The following RIF1 variants were observed in gnomAD, a reference collection of about 807,000 sequenced individuals.
RIF1 encodes replication timing regulatory factor 1, also known as telomere-associated protein RIF1.
In RIF1, 45 loss-of-function variants were observed where a neutral mutation model predicts 247.1. The observed-to-expected ratio is 0.18, with a 90% confidence interval of 0.14 to 0.23. The LOEUF is 0.23. Ranked by LOEUF, RIF1 falls within the 10% of genes least tolerant of loss-of-function variation. The probability of loss-of-function intolerance (pLI) is 1.00; values close to 1 mark genes in which losing one functional copy is unlikely to be tolerated. For missense variants in RIF1, 2,967 were observed against 2,862.5 expected, an observed-to-expected ratio of 1.04 and a Z score of -0.83; for synonymous variants, 1,087 against 978.8, an observed-to-expected ratio of 1.11 and a Z score of -2.06.
At position 151,465,588 on chromosome 2, in the gene RIF1, A is replaced by G; in HGVS notation, c.6068A>G (p.Glu2023Gly). 6.2e-7 allele frequency: 1 copy of G among 1,613,984 alleles called. No homozygotes were observed. The change falls in exon 30 of 36, where the codon GAA becomes GGA. Residue 2023 changes from glutamate (E) to glycine (G), a missense_variant. Coordinates refer to ENST00000444746, the MANE Select transcript of RIF1 (RefSeq NM_018151.5). ...AATACCAAAATGAAAAATAATGAAG[A>G]AATGATGATCGGCGAGGCAATGGCT... ...ETNTKMKNNE[E>G]MMIGEAMAET...
At position 151,426,168 on chromosome 2, in the gene RIF1, A is replaced by ATTTTTTTTTTTTTTTTTTT. The variant is rs35001554; in HGVS notation, c.787-2610_787-2592dup. Among the ~76,000 whole-genome samples, 19 of 58,212 alleles carry ATTTTTTTTTTTTTTTTTTT rather than the reference A, an allele frequency of 3.3e-4. 3 individuals carry two copies. The highest frequency in any genetic ancestry group is 2.7e-3 in the East Asian group (4 of 1,470). The allele number at this position is 58,212 out of a possible 152,430, so 38.2% of individuals were successfully genotyped here. A position where few individuals can be genotyped will look rare whatever the true frequency, so the allele number is the denominator to read the frequency against. ...TTTTTCAGGATTGTTTTGGCTTTTA[A>ATTTTTTTTTTTTTTTTTTT]TTTTTTTTTTTTTTTTTTTTTTTTG... is the stretch of plus-strand genomic sequence containing the variant. On this transcript the variant is annotated intron_variant, in intron 8 of 35. Coordinates refer to ENST00000444746, the MANE Select transcript of RIF1 (RefSeq NM_018151.5).
chr2:151,513,561 A>G, the RIF1 span: 1 of 1,548,226 alleles, frequency 6.5e-7, no homozygotes, highest in Non-Finnish European at 8.8e-7. Flanking sequence ...AAAGATTGAC[A>G]TCGAATAGTA....
At chr2:151,534,398 GA>G in the RIF1 span, 2 of 1,211,926 alleles carry the variant, frequency 1.7e-6, no homozygotes, top group Non-Finnish European at 2.4e-6. Flanking sequence ...AAACACTCCA[GA>G]GGGCCAGAAC....
Position 151,464,897 on chromosome 2 carries a change from A to G in RIF1, c.5377A>G (p.Ser1793Gly), listed in dbSNP as rs771501126. 8 of 1,583,526 alleles carry G rather than the reference A, an allele frequency of 5.1e-6. No individual in the cohort carries two copies. Among genetic ancestry groups the G allele is most frequent in the African/African-American group, 2.7e-5 (2 of 73,202 alleles). Residue 1793 changes from serine to glycine, a missense_variant, in exon 30 of 36, where the codon AGT becomes GGT. By Grantham distance (56) the Ser-to-Gly change is moderately conservative. This residue lies in a region of RIF1 where 2,028 missense variants were observed against 1,825.6 expected (regional missense o/e 1.11). Transcript: ENST00000444746. ...SEGQFLDEHH[S>G]VNFHLGLKED... Reference sequence around the variant, plus strand: ...AGGACAATTTTTAGATGAACATCATAGTGTGAATTTTCATTTGGGTCTCAA... The same window carrying G: ...AGGACAATTTTTAGATGAACATCATGGTGTGAATTTTCATTTGGGTCTCAA...
chr2:151,449,840 A>G (rs1035243619), intron 20 of RIF1, among the ~76,000 whole-genome samples: 11 of 125,344 alleles, frequency 8.8e-5, no homozygotes, highest in African/African-American at 3.1e-4. Context: ...GACTACTTTG[A>G]TGCCTTTTTT....
At chr2:151,525,386 T>C in the RIF1 span, 1 of 746,692 alleles carries the variant, frequency 1.3e-6, no homozygotes, top group Non-Finnish European at 2.3e-6. Flanking sequence ...TTGGCGTCAG[T>C]CTGGGACTTA....
In RIF1 at chr2:151,463,170, G is replaced by C. The variant is rs773188643; in HGVS notation, c.3650G>C (p.Arg1217Pro). 46 of 1,613,914 alleles carry C rather than the reference G, an allele frequency of 2.9e-5. No individual in the cohort carries two copies. In the South Asian group the frequency reaches 4.6e-4, roughly 16 times the overall value. The change falls in exon 30 of 36, where the codon CGG (arginine) becomes CCG (proline). Residue 1217 changes from arginine (R) to proline (P), a missense_variant. This residue lies in a region of RIF1 where 2,028 missense variants were observed against 1,825.6 expected (regional missense o/e 1.11). Coordinates refer to ENST00000444746, the MANE Select transcript of RIF1 (RefSeq NM_018151.5). ...VAGTPPYPTSRRQTFITLEKF... is the reference protein window; with the variant it reads ...VAGTPPYPTSPRQTFITLEKF... ...GGAACTCCCCCATACCCTACAAGTC[G>C]GAGGCAAACCTTTATTACTTTGGAG...
intron 12 of RIF1, chr2:151,503,554 T>TA (rs758828900): frequency 7.5e-6 from 5 of 664,922 alleles, no homozygotes; most frequent in Non-Finnish European, 1.3e-5. Flanking sequence ...AGCTCTCAAA[T>TA]ATAACATTCA....
At chr2:151,418,251 C>G (rs986283783) in intron 6 of RIF1, among the ~76,000 whole-genome samples, 1 of 152,192 alleles carries the variant, frequency 6.6e-6, no homozygotes, top group Admixed American at 6.5e-5. Flanking sequence ...GTTGTTCAGG[C>G]TGGAGTGTAG....
At chr2:151,492,539 G>A in intron 9 of RIF1, 1 of 1,424,680 alleles carries the variant, frequency 7.0e-7, no homozygotes. Context: ...TCCTAAATCT[G>A]AAACCTCAAA....
At chr2:151,445,563 T>A (rs2152405408) in intron 19 of RIF1, 118 bp downstream of exon 19, 5 of 671,896 alleles carry the variant, frequency 7.4e-6, no homozygotes, top group African/African-American at 1.8e-5. Flanking sequence ...TCTCTTTTTT[T>A]TTTGAGACAG....
chr2:151,492,296 A>G (rs980160984), intron 9 of RIF1: 2 of 1,606,326 alleles, frequency 1.2e-6, no homozygotes, highest in Non-Finnish European at 1.7e-6. Flanking sequence ...AATGTCATGA[A>G]TTTGCTTTAT....
intron 17 of RIF1, 42 bp downstream of exon 17, chr2:151,443,371 TATGTAATGAATG>T (rs781772349): frequency 7.1e-7 from 1 of 1,399,144 alleles, no homozygotes; most frequent in Non-Finnish European, 1.0e-6. Context: ...TTGGAAAGGT[TATGTAATGAATG>T]AGATTATTTA....
chr2:151,498,089 T>TA lies in RIF1; in HGVS notation c.*514-1250dup, dbSNP rs1215126627. 8.2e-6 allele frequency: 12 copies of TA among 1,471,440 alleles called. No homozygotes were observed. The South Asian group carries it at 9.7e-5, about 12-fold the overall frequency. The allele number at this position is 1,471,440 out of a possible 1,614,324, so 91.1% of individuals were successfully genotyped here. On this transcript the variant is annotated intron_variant and NMD_transcript_variant, in intron 10 of 13. Transcript: ENST00000454583. ...GTTTGTTTGTAAATATCAGATGAAG[T>TA]AAAAAATTGACATTAACTGTATTAT...
In RIF1 at chr2:151,480,881, A is replaced by G. The variant is rs1278136757; in HGVS notation, c.*5810A>G. 5 of 152,252 alleles carry G rather than the reference A, an allele frequency of 3.3e-5. No homozygotes were observed. Among genetic ancestry groups the G allele is most frequent in the African/African-American group, 1.2e-4 (5 of 41,458 alleles). The allele number at this position is 152,252 out of a possible 1,614,324, so 9.4% of individuals were successfully genotyped here. On this transcript the variant is annotated 3_prime_UTR_variant, in exon 36 of 36. Transcript: ENST00000444746. ...AACTCCTAAGTTTTTTACAGAGCAC[A>G]GATTGGTAAACTAGCATGCCACCTG...
chr2:151,441,154 G>T (rs992086941), intron 15 of RIF1, among the ~76,000 whole-genome samples: 1 of 152,106 alleles, frequency 6.6e-6, no homozygotes, highest in African/African-American at 2.4e-5. Context: ...CCATGAGGTT[G>T]AGGCTGCAGT....
chr2:151,505,589 G>GAA lies in RIF1; in HGVS notation c.*862-618_*862-617dup, dbSNP rs779037065. ...ACTTCACCTGCAGATTTAAAAATGG[G>GAA]AAAAGAAAGGTATTATTACATGCTG... On this transcript the variant is annotated intron_variant and NMD_transcript_variant, in intron 12 of 13. Transcript: ENST00000454583. 2.0e-5 allele frequency: 31 copies of GAA among 1,574,882 alleles called. No homozygotes were observed. The South Asian group carries it at 3.3e-4, about 17-fold the overall frequency.
chr2:151,487,011 T>C (rs1018347927), downstream of RIF1, among the ~76,000 whole-genome samples: 1 of 152,304 alleles, frequency 6.6e-6, no homozygotes, highest in East Asian at 1.9e-4. Flanking sequence ...TTGTACACTT[T>C]ATGAACTTCA....
At chr2:151,529,083 G>A in the RIF1 span, 1 of 704,346 alleles carries the variant, frequency 1.4e-6, no homozygotes, top group Non-Finnish European at 2.6e-6. Context: ...CATGCTCCTG[G>A]GGCCTGACTC....
Sources: gnomAD v4.1 joint callset for allele counts (sites outside exome capture counted in the v4.1 genomes callset) on GRCh38, gnomAD v4.1.1 for gene constraint, gnomAD v4.1.1 regional missense constraint, MANE v1.5 for transcripts, NCBI Gene and HGNC (gene_info 2026-07-23, HGNC 2026-07-21) for gene names.